INPP5E: variants seen among roughly 807,000 people sequenced by gnomAD.
INPP5E encodes phosphatidylinositol polyphosphate 5-phosphatase type IV.
In INPP5E, 34 loss-of-function variants were observed where a neutral mutation model predicts 50.5. The observed-to-expected ratio is 0.67, with a 90% CI of 0.51 to 0.90. The LOEUF (loss-of-function observed/expected upper bound fraction) is 0.90. INPP5E is among the 40% of genes least tolerant of loss of function. INPP5E has a pLI of 0.00. For missense variants in INPP5E, 942 were observed against 905.5 expected, an observed-to-expected ratio of 1.04 and a Z score of -0.52; for synonymous variants, 447 against 406.0, an observed-to-expected ratio of 1.10 and a Z score of -1.21.
In INPP5E at chr9:136,429,811, TGGA is replaced by T. The variant is rs749045132; in HGVS notation, c.1803-7_1803-5del. 3 of 1,537,646 alleles carry T rather than the reference TGGA, an allele frequency of 2.0e-6. No homozygotes were observed. The highest frequency in any genetic ancestry group is 2.4e-5 in the South Asian group (2 of 81,820). ...TTTGCCAGCTGCCAACGGAATGCTGTGGAGGAGGAGGGGGCGTTAGGAGGGCAC... is the reference window on the plus strand; with the variant it reads ...TTTGCCAGCTGCCAACGGAATGCTGTGGAGGAGGGGGCGTTAGGAGGGCAC... On this transcript the variant is annotated splice_region_variant and splice_polypyrimidine_tract_variant and intron_variant, in intron 9 of 9. Coordinates refer to ENST00000371712, the MANE Select transcript of INPP5E (RefSeq NM_019892.6).
chr9:136,434,868 G>C lies in INPP5E; in HGVS notation c.813-5C>G, dbSNP rs186462782. On this transcript the variant is annotated splice_polypyrimidine_tract_variant and splice_region_variant and intron_variant, in intron 1 of 9. Transcript: ENST00000371712. ...AGGCTGCCCTCCAGGTAACTCCTGT[G>C]ACGGGAGGACCCCAAGCTCAGGGCC... is the stretch of plus-strand genomic sequence containing the variant. The C allele has an allele frequency of 4.1e-4, 663 of 1,603,908 alleles. 1 individual carries two copies. The African/African-American group carries it at 7.4e-3, about 18-fold the overall frequency.
At position 136,438,762 on chromosome 9, in the gene INPP5E, T is replaced by C; in HGVS notation, c.658A>G (p.Lys220Glu). The change falls in exon 1 of 10, where the codon AAG (lysine) becomes GAG (glutamate). Residue 220 changes from lysine (K) to glutamate (E), a missense_variant. By Grantham distance (56) the Lys-to-Glu change is moderately conservative. Transcript: ENST00000371712. ...ACCAGGAGCGGCTGCGCGCGGAGCT[T>C]GTAGTCTGCAAGATCCGAGTCGACC... The part of the protein sequence containing the change: ...NKVDSDLADY[K>E]LRAQPLLVRA... The C allele has an allele frequency of 6.2e-7, 1 of 1,611,714 alleles. No homozygotes were observed. The highest frequency in any genetic ancestry group is 1.3e-5 in the African/African-American group (1 of 74,982).
chr9:136,428,932 G>A lies in INPP5E; in HGVS notation c.*743C>T, dbSNP rs1216286507. The stretch of plus-strand genomic sequence containing the variant: ...ACGGTCTACGTCACCAAGACCATGA[G>A]ACGGTTTCAAAAATGGTCTACGTCA... On this transcript the variant is annotated 3_prime_UTR_variant, in exon 10 of 10. Coordinates refer to ENST00000371712, the MANE Select transcript of INPP5E (RefSeq NM_019892.6). 1 of 152,900 alleles carries A rather than the reference G, an allele frequency of 6.5e-6. No individual in the cohort carries two copies. Among genetic ancestry groups the A allele is most frequent in the Non-Finnish European group, 1.5e-5 (1 of 68,470 alleles). The allele number at this position is 152,900 out of a possible 1,614,324, so 9.5% of individuals were successfully genotyped here.
intron 9 of INPP5E, 32 bp from the exon 10 acceptor site, chr9:136,429,839 C>T (rs1204980937): frequency 3.1e-6 from 5 of 1,607,416 alleles, no homozygotes; most frequent in Non-Finnish European, 4.2e-6. Context: ...TAGGAGGGCA[C>T]CCAGGGCCAG....
At position 136,429,807 on chromosome 9, in the gene INPP5E, G is replaced by A; in HGVS notation, c.1803C>T (p.Asn601=). 6.2e-7 allele frequency: 1 copy of A among 1,612,664 alleles called. No individual in the cohort carries two copies. The highest frequency in any genetic ancestry group is 8.5e-7 in the Non-Finnish European group (1 of 1,179,856). ...CAAATTTGCCAGCTGCCAACGGAATGCTGTGGAGGAGGAGGGGGCGTTAGG... is the reference window on the plus strand; with the variant it reads ...CAAATTTGCCAGCTGCCAACGGAATACTGTGGAGGAGGAGGGGGCGTTAGG... The part of the protein sequence containing the change: ...FRVKVRPGRD[N]IPLAAGKFDR... Residue 601 remains asparagine (N), a splice_region_variant and synonymous_variant, in exon 10 of 10, where the codon AAC becomes AAT. Transcript: ENST00000371712.
chr9:136,433,250 G>A lies in INPP5E; in HGVS notation c.1064C>T (p.Thr355Met), dbSNP rs863225198. The A allele has an allele frequency of 2.2e-5, 35 of 1,591,366 alleles. No homozygotes were observed. The highest frequency in any genetic ancestry group is 1.6e-4 in the Middle Eastern group (1 of 6,068). ...RREWETRLQE[T>M]LGPHYVLLSS... is the part of the protein sequence containing the mutation. ...CAGCAGCACATAGTGCGGGCCCAGC[G>A]TCTCCTGCAGACGAGTCTCCCACTC... is the stretch of plus-strand genomic sequence containing the variant. Residue 355 changes from threonine (T) to methionine (M), a missense_variant, in exon 4 of 10, where the codon ACG becomes ATG. Transcript: ENST00000371712.
chr9:136,430,146 G>A (rs1233630546), intron 9 of INPP5E, 131 bp downstream of exon 9: 12 of 1,224,340 alleles, frequency 9.8e-6, no homozygotes, highest in Non-Finnish European at 1.3e-5. Flanking sequence ...ACCGATCCCG[G>A]GGAACACAGC....
In INPP5E at chr9:136,432,992, C is replaced by CA; in HGVS notation, c.1242dup (p.Gly415TrpfsTer15). Reference sequence around the variant, plus strand: ...GACGTGATGAAGAGGAAGGAAGTGCCAAAAAAGGTGAAGCTGATGCCCAAG... The same window carrying CA: ...GACGTGATGAAGAGGAAGGAAGTGCCAAAAAAAGGTGAAGCTGATGCCCAAG... On this transcript the variant is annotated frameshift_variant, in exon 5 of 10. Transcript: ENST00000371712. LOFTEE classifies it high-confidence loss of function. 1 of 1,613,004 alleles carries CA rather than the reference C, an allele frequency of 6.2e-7. No individual in the cohort carries two copies. Among genetic ancestry groups the CA allele is most frequent in the Non-Finnish European group, 8.5e-7 (1 of 1,179,666 alleles).
intron 6 of INPP5E, 84 bp downstream of exon 6, chr9:136,432,395 C>T (rs887227954): frequency 4.6e-6 from 4 of 872,530 alleles, no homozygotes; most frequent in Non-Finnish European, 5.6e-6. Context: ...CAGGACGCTG[C>T]CTCTTCAGAA....
rs968037766 is a variant in INPP5E, at chr9:136,438,680, T to C, written c.740A>G (p.Asp247Gly). 2 of 1,595,976 alleles carry C rather than the reference T, an allele frequency of 1.3e-6. No homozygotes were observed. The highest frequency in any genetic ancestry group is 1.7e-6 in the Non-Finnish European group (2 of 1,171,792). Residue 247 changes from aspartate to glycine, a missense_variant, in exon 1 of 10, where the codon GAC becomes GGC. Coordinates refer to ENST00000371712, the MANE Select transcript of INPP5E (RefSeq NM_019892.6). The part of the protein sequence containing the change: ...GRPRSPLACD[D>G]CSLRSAKSSF... Reference sequence around the variant, plus strand: ...GGATTTGGCCGAGCGAAGGGAACAGTCGTCGCAGGCCAGGGGGCTCCGCGG... The same window carrying C: ...GGATTTGGCCGAGCGAAGGGAACAGCCGTCGCAGGCCAGGGGGCTCCGCGG...
In INPP5E at chr9:136,430,288, C is replaced by G. The variant is rs10870182; in HGVS notation, c.1791G>C (p.Pro597=). ...VYGLFRVKVR[P]GRDNIPLAAG... is the part of the protein sequence containing the mutation. ...GGGAGAACACTGACTTGTCTCGCCC[C>G]GGCCTCACTTTCACCCGGAAGAGGC... Residue 597 remains proline (P), a synonymous_variant, in exon 9 of 10, where the codon CCG becomes CCC. Transcript: ENST00000371712. 12,960 of 1,551,406 alleles carry G rather than the reference C, an allele frequency of 8.4e-3. 83 individuals are homozygous for G. Among genetic ancestry groups the G allele is most frequent in the Non-Finnish European group, 0.01 (11,923 of 1,147,000 alleles).
At chr9:136,434,446 C>T (rs1053610596) in intron 2 of INPP5E, among the ~76,000 whole-genome samples, 2 of 152,194 alleles carry the variant, frequency 1.3e-5, no homozygotes, top group Non-Finnish European at 2.9e-5. Flanking sequence ...ACGCGTGCCC[C>T]GCTGGCCGCC....
chr9:136,439,468 G>A lies in INPP5E; in HGVS notation c.-49C>T. 1.5e-6 allele frequency: 2 copies of A among 1,365,972 alleles called. No homozygotes were observed. The highest frequency in any genetic ancestry group is 1.9e-6 in the Non-Finnish European group (2 of 1,045,158). The allele number at this position is 1,365,972 out of a possible 1,614,324, so 84.6% of individuals were successfully genotyped here. On this transcript the variant is annotated 5_prime_UTR_variant, in exon 1 of 10. Transcript: ENST00000371712. ...CTCGGCGCGAGGCCGCAGGCAGCGC[G>A]AGGGGTCACGGGTGCCGGGTCCGGG...
chr9:136,432,745 G>C (rs1201613457), intron 5 of INPP5E, among the ~76,000 whole-genome samples, 159 bp from the exon 6 acceptor site: 4 of 152,228 alleles, frequency 2.6e-5, no homozygotes, highest in Admixed American at 6.5e-5. Flanking sequence ...TTCCGCCTCG[G>C]AGGACAGAGC....
chr9:136,433,520 C>G (rs1835762317), intron 3 of INPP5E, among the ~76,000 whole-genome samples: 2 of 152,054 alleles, frequency 1.3e-5, no homozygotes, highest in Admixed American at 6.6e-5. Flanking sequence ...CCCCAGTGAG[C>G]AGAGCTCCTC....
rs863225199 is a variant in INPP5E at position 136,429,711 on chromosome 9, CTG to C, written c.1897_1898del (p.Gln633GlufsTer64). The C allele has an allele frequency of 3.1e-6, 5 of 1,614,136 alleles. No individual in the cohort carries two copies. The highest frequency in any genetic ancestry group is 1.3e-5 in the African/African-American group (1 of 75,084). ...SKEIQRQQALQSQNSSTICSV... is the reference protein window; with the variant it reads ...SKEIQRQQALXSQNSSTICSV... ...AGCAGATGGTGCTGGAGTTCTGACT[CTG>C]TAGTGCTTGCTGCCTCTGAATCTCC... is the stretch of plus-strand genomic sequence containing the variant. On this transcript the variant is annotated frameshift_variant, in exon 10 of 10. Coordinates refer to ENST00000371712, the MANE Select transcript of INPP5E (RefSeq NM_019892.6). LOFTEE classifies it high-confidence loss of function.
intron 2 of INPP5E, 150 bp downstream of exon 2, chr9:136,434,590 C>T (rs930198965): frequency 4.6e-6 from 5 of 1,092,966 alleles, no homozygotes; most frequent in East Asian, 2.6e-5. Flanking sequence ...CCACTCTCAC[C>T]CTCCTGTACT....
intron 5 of INPP5E, 56 bp from the exon 6 acceptor site, chr9:136,432,642 T>A (rs1835736123): frequency 8.3e-7 from 1 of 1,198,624 alleles, no homozygotes; most frequent in Non-Finnish European, 1.2e-6. Context: ...CGAGTCTCCC[T>A]AAAGCGCCGC....
chr9:136,439,564 C>G lies in INPP5E; in HGVS notation c.-145G>C, dbSNP rs1012687883. 1.9e-6 allele frequency: 1 copy of G among 516,316 alleles called. No homozygotes were observed. Among genetic ancestry groups the G allele is most frequent in the Admixed American group, 4.5e-5 (1 of 22,090 alleles). 32.0% of individuals were successfully genotyped at this position (516,316 alleles called of 1,614,324 possible). ...TGGGCCGGGGATGGTCGCGGAGGGGCGGGGGCGGCTGCCGCATGGCCCGGG... is the reference window on the plus strand; with the variant it reads ...TGGGCCGGGGATGGTCGCGGAGGGGGGGGGGCGGCTGCCGCATGGCCCGGG... On this transcript the variant is annotated 5_prime_UTR_variant, in exon 1 of 10. Transcript: ENST00000371712.
Sources: allele counts gnomAD v4.1 joint callset (sites outside exome capture counted in the v4.1 genomes callset), GRCh38; gene constraint gnomAD v4.1.1; transcripts MANE v1.5; gene names NCBI Gene and HGNC (gene_info 2026-07-23, HGNC 2026-07-21).